MLH3: variants seen among roughly 807,000 people sequenced by gnomAD.
The protein encoded by MLH3 is DNA mismatch repair protein Mlh3.
A neutral mutation model predicts 122.2 loss-of-function variants in MLH3; 82 were observed. The observed-to-expected ratio is 0.67, with a 90% CI of 0.56 to 0.81. The LOEUF (loss-of-function observed/expected upper bound fraction) is 0.81. MLH3 is among the 30% of genes least tolerant of loss of function. The probability of loss-of-function intolerance (pLI) is 0.00; values close to 1 mark genes in which losing one functional copy is unlikely to be tolerated. For missense variants in MLH3, 1,539 were observed against 1,714.5 expected, an observed-to-expected ratio of 0.90 and a Z score of 1.81; for synonymous variants, 524 against 599.5, an observed-to-expected ratio of 0.87 and a Z score of 1.84.
Position 75,047,696 on chromosome 14 carries a change from C to G in MLH3, c.1960G>C (p.Asp654His). Residue 654 changes from aspartate to histidine, a missense_variant, in exon 2 of 13, where the codon GAC (aspartate) becomes CAC (histidine). Asp to His is a moderately conservative substitution (Grantham distance 81, BLOSUM62 -1). Transcript: ENST00000355774. ...NRTRHSVETP[D>H]IKDLASTLSK... ...AAAGTGCTGGCTAAATCTTTGATGT[C>G]TGGAGTTTCAACTGAATGACGTGTT... The G allele has an allele frequency of 6.2e-7, 1 of 1,614,088 alleles. No individual in the cohort carries two copies. The highest frequency in any genetic ancestry group is 8.5e-7 in the Non-Finnish European group (1 of 1,180,000).
At position 75,049,253 on chromosome 14, in the gene MLH3, C is replaced by T. The variant is rs1363529389; in HGVS notation, c.403G>A (p.Ala135Thr). The T allele has an allele frequency of 6.2e-7, 1 of 1,614,230 alleles. No homozygotes were observed. Among genetic ancestry groups the T allele is most frequent in the South Asian group, 1.1e-5 (1 of 91,088 alleles). Residue 135 changes from alanine (A) to threonine (T), a missense_variant, in exon 2 of 13, where the codon GCT (alanine) becomes ACT (threonine). Transcript: ENST00000355774. ...QSGKALKACE[A>T]DVTRASAGTT... ...CCAGCGCTTGCTCTAGTCACATCAG[C>T]TTCACAAGCTTTCAGGGCTTTTCCA...
Position 75,042,464 on chromosome 14 carries a change from C to A in MLH3, c.3294G>T (p.Arg1098Ser), listed in dbSNP as rs1060503068. 25 of 1,613,364 alleles carry A rather than the reference C, an allele frequency of 1.5e-5. No individual in the cohort carries two copies. Among genetic ancestry groups the A allele is most frequent in the Non-Finnish European group, 2.0e-5 (23 of 1,179,260 alleles). Residue 1098 changes from arginine (R) to serine (S), a missense_variant, in exon 3 of 13, where the codon AGG (arginine) becomes AGT (serine). Arg to Ser is a moderately radical substitution (Grantham distance 110, BLOSUM62 -1). Coordinates refer to ENST00000355774, the MANE Select transcript of MLH3 (RefSeq NM_001040108.2). ...CAAGGTCGCTTCTAAAAGGTTGACACCTGTACTGAGACCCTAAATATAAGA... is the reference window on the plus strand; with the variant it reads ...CAAGGTCGCTTCTAAAAGGTTGACAACTGTACTGAGACCCTAAATATAAGA... ...DVVLENGSQY[R>S]CQPFRSDLVL...
At chr14:75,028,105 T>C (rs1188200722) in intron 9 of MLH3, among the ~76,000 whole-genome samples, 1 of 151,640 alleles carries the variant, frequency 6.6e-6, no homozygotes, top group African/African-American at 2.4e-5. Context: ...TAAATGATAT[T>C]TGCTATAAAA....
At chr14:75,027,672 A>C (rs779525043) in intron 9 of MLH3, among the ~76,000 whole-genome samples, 2,538 of 132,344 alleles carry the variant, frequency 0.019, 98 homozygotes, top group African/African-American at 0.046. Context: ...AGTAAAAAAA[A>C]AAAAAAAAAA....
chr14:75,039,344 T>C (rs985920710), intron 5 of MLH3, among the ~76,000 whole-genome samples: 1 of 152,110 alleles, frequency 6.6e-6, no homozygotes, highest in African/African-American at 2.4e-5. Context: ...TTACCCAAAT[T>C]TGTTAGCCTC....
At chr14:75,041,825 C>A in intron 3 of MLH3, 125 bp from the exon 4 acceptor site, 1 of 734,228 alleles carries the variant, frequency 1.4e-6, no homozygotes, top group Admixed American at 2.0e-5. Context: ...CTATGTTCTA[C>A]AAATGTTCAG....
At position 75,047,503 on chromosome 14, in the gene MLH3, G is replaced by C. The variant is rs774239266; in HGVS notation, c.2153C>G (p.Pro718Arg). 1 of 1,614,072 alleles carries C rather than the reference G, an allele frequency of 6.2e-7. No homozygotes were observed. Among genetic ancestry groups the C allele is most frequent in the South Asian group, 1.1e-5 (1 of 91,080 alleles). The change falls in exon 2 of 13, where the codon CCC (proline) becomes CGC (arginine). Residue 718 changes from proline (P) to arginine (R), a missense_variant. Physicochemically the swap from Pro to Arg is moderately radical, Grantham distance 103. Transcript: ENST00000355774. ...ATCATTGGAAACGTGTCTATACCAG[G>C]GGAAAGAGGGGGATGTATCAGATAA... The part of the protein sequence containing the change: ...CILSDTSPSF[P>R]WYRHVSNDSR...
Position 75,049,685 on chromosome 14 carries a change from G to A in MLH3, c.-30C>T, listed in dbSNP as rs1360393677. 1.2e-6 allele frequency: 2 copies of A among 1,604,820 alleles called. No homozygotes were observed. The highest frequency in any genetic ancestry group is 2.7e-5 in the African/African-American group (2 of 74,822). ...GGTAGAAAGATGGTGAGAATGCCAG[G>A]CACTGGTTTCCTTCTCTGACTGGAA... is the stretch of plus-strand genomic sequence containing the variant. On this transcript the variant is annotated 5_prime_UTR_variant, in exon 2 of 13. Transcript: ENST00000355774.
At position 75,048,385 on chromosome 14, in the gene MLH3, CTCTG is replaced by C; in HGVS notation, c.1267_1270del (p.Gln423ValfsTer30). 1 of 1,611,456 alleles carries C rather than the reference CTCTG, an allele frequency of 6.2e-7. No homozygotes were observed. The highest frequency in any genetic ancestry group is 8.5e-7 in the Non-Finnish European group (1 of 1,179,070). ...TCTGGTAGCTTCTGAATCCCTAGAA[CTCTG>C]TGTGTTTACGTTTTCTGCAGTAGTT... On this transcript the variant is annotated frameshift_variant, in exon 2 of 13. Coordinates refer to ENST00000355774, the MANE Select transcript of MLH3 (RefSeq NM_001040108.2). LOFTEE classifies it high-confidence loss of function.
intron 4 of MLH3, among the ~76,000 whole-genome samples, chr14:75,040,449 CAAAAAAAAAAAAAAAAAA>C (rs36233766): frequency 2.8e-5 from 1 of 35,590 alleles, no homozygotes; most frequent in African/African-American, 9.8e-5. Context: ...GACTCTGTCA[CAAAAAAAAAAAAAAAAAA>C]AAAAAAAAAA....
At chr14:75,044,297 A>C (rs1239598100) in intron 2 of MLH3, among the ~76,000 whole-genome samples, 1 of 152,228 alleles carries the variant, frequency 6.6e-6, no homozygotes, top group Non-Finnish European at 1.5e-5. Context: ...AAGTTCATAA[A>C]AAAGTATGCT....
chr14:75,016,646 C>A lies in MLH3; in HGVS notation c.*436G>T. The A allele has an allele frequency of 3.4e-6, 1 of 292,944 alleles. No homozygotes were observed. The highest frequency in any genetic ancestry group is 6.6e-6 in the Non-Finnish European group (1 of 152,062). The allele number at this position is 292,944 out of a possible 1,614,324, so 18.1% of individuals were successfully genotyped here. On this transcript the variant is annotated 3_prime_UTR_variant, in exon 13 of 13. Coordinates refer to ENST00000355774, the MANE Select transcript of MLH3 (RefSeq NM_001040108.2). ...AAAAGAGGGGACCAGTGCAGAAACC[C>A]TGGGGGCAGCCTGGGAAGGCAGACT... is the stretch of plus-strand genomic sequence containing the variant.
chr14:75,046,829 G>A lies in MLH3; in HGVS notation c.2827C>T (p.Gln943Ter). ...CTATTTTTATTAAAGGAATTATCCT[G>A]TGTGGCAGAATCTGATGTTGGGATG... ...GVIPTSDSAT[Q>*]DNSFNKNSKT... Residue 943 changes from glutamine to a stop codon, truncating the protein, a stop_gained, in exon 2 of 13, where the codon CAG (glutamine) becomes TAG (stop). Coordinates refer to ENST00000355774, the MANE Select transcript of MLH3 (RefSeq NM_001040108.2). LOFTEE classifies it high-confidence loss of function. The A allele has an allele frequency of 6.2e-7, 1 of 1,614,106 alleles. No individual in the cohort carries two copies. The highest frequency in any genetic ancestry group is 8.5e-7 in the Non-Finnish European group (1 of 1,180,010).
intron 5 of MLH3, 28 bp downstream of exon 5, chr14:75,039,883 T>TATATATATATATATATATG (rs34231080): frequency 1.9e-6 from 1 of 519,980 alleles, no homozygotes; most frequent in Non-Finnish European, 3.3e-6. Flanking sequence ...ATATATATAT[T>TATATATATATATATATATG]TATGAGATTT....
intron 4 of MLH3, 83 bp downstream of exon 4, chr14:75,041,532 G>A (rs1891851843): frequency 9.2e-7 from 1 of 1,090,342 alleles, no homozygotes. Context: ...TGGGCAACAG[G>A]AGCAAAACTC....
At chr14:75,041,499 G>T in intron 4 of MLH3, 116 bp downstream of exon 4, 1 of 800,818 alleles carries the variant, frequency 1.2e-6, no homozygotes. Flanking sequence ...CGTGAGCCGA[G>T]ATCATGCCAT....
rs1211676906 is a variant in MLH3, at chr14:75,038,056, T to C, written c.3643+284A>G. On this transcript the variant is annotated intron_variant, in intron 6 of 12. Transcript: ENST00000355774. ...CTGGGACTACAGGTGCACACCACCATGCCCAGCTAATTTTTGTATTTTTAG... is the reference window on the plus strand; with the variant it reads ...CTGGGACTACAGGTGCACACCACCACGCCCAGCTAATTTTTGTATTTTTAG... 3.3e-5 allele frequency among the ~76,000 whole-genome samples: 5 copies of C among 152,140 alleles called. No individual in the cohort carries two copies. In the East Asian group the frequency reaches 9.6e-4, roughly 29 times the overall value.
intron 6 of MLH3, chr14:75,036,598 C>T: frequency 2.2e-6 from 1 of 453,842 alleles, no homozygotes; most frequent in East Asian, 7.0e-5. Context: ...CCCACCTCGG[C>T]CTCCCAAAGT....
Position 75,042,341 on chromosome 14 carries a change from T to C in MLH3, c.3379+38A>G, listed in dbSNP as rs28757009. 8,983 of 1,541,702 alleles carry C rather than the reference T, an allele frequency of 5.8e-3. 441 individuals carry two copies. In the Admixed American group the frequency reaches 0.094, roughly 16 times the overall value. On this transcript the variant is annotated intron_variant, in intron 3 of 12. Coordinates refer to ENST00000355774, the MANE Select transcript of MLH3 (RefSeq NM_001040108.2). ...TTGTTTTTTGAGTTAGGTGGTACGA[T>C]GTGTACTGTGTGCCCCAGCACTCTC... is the stretch of plus-strand genomic sequence containing the variant.
Sources: allele counts gnomAD v4.1 joint callset (sites outside exome capture counted in the v4.1 genomes callset), GRCh38; gene constraint gnomAD v4.1.1; transcripts MANE v1.5; gene names NCBI Gene and HGNC (gene_info 2026-07-23, HGNC 2026-07-21).